Variants in CSMD1 observed in about 807,000 individuals in gnomAD.
CSMD1 encodes CUB and sushi domain-containing protein 1.
In CSMD1, 213 loss-of-function variants were observed where a neutral mutation model predicts 417.5. The ratio of observed to expected loss-of-function variants is 0.51; its 90% CI spans 0.46 to 0.57. CSMD1 has a LOEUF of 0.57. Among genes scored for constraint, CSMD1 ranks in the 20% least tolerant of loss-of-function variants. The pLI, the probability that CSMD1 is intolerant of heterozygous loss-of-function variation, is 0.00. For missense variants in CSMD1, 6,923 were observed against 4,529.7 expected, an observed-to-expected ratio of 1.53 and a Z score of -15.17; for synonymous variants, 2,862 against 1,736.8, an observed-to-expected ratio of 1.65 and a Z score of -16.11.
intron 3 of CSMD1, among the ~76,000 whole-genome samples, chr8:4,320,512 C>T (rs1355270971): frequency 6.6e-6 from 1 of 152,138 alleles, no homozygotes; most frequent in East Asian, 1.9e-4. Flanking sequence ...TCCCCTAGAC[C>T]CCCACCCCCC....
chr8:3,609,374 T>C (rs938566930), intron 8 of CSMD1, among the ~76,000 whole-genome samples: 1 of 152,210 alleles, frequency 6.6e-6, no homozygotes, highest in African/African-American at 2.4e-5. Flanking sequence ...ATACACTTTG[T>C]CTTTTAGACA....
intron 1 of CSMD1, among the ~76,000 whole-genome samples, chr8:4,814,215 T>TGC (rs1554490609): frequency 1.5e-4 from 23 of 151,594 alleles, no homozygotes; most frequent in African/African-American, 5.3e-4. Flanking sequence ...TGTGTGTGTG[T>TGC]GTGCGTGTGC....
chr8:3,053,971 C>A (rs868651518), intron 49 of CSMD1, among the ~76,000 whole-genome samples: 6 of 152,090 alleles, frequency 3.9e-5, no homozygotes, highest in Non-Finnish European at 7.4e-5. Context: ...CAAGATAGAG[C>A]GGGAAGGGCT....
chr8:4,287,497 G>C (rs898236282), intron 3 of CSMD1, among the ~76,000 whole-genome samples: 1 of 151,956 alleles, frequency 6.6e-6, no homozygotes, highest in Non-Finnish European at 1.5e-5. Flanking sequence ...TACATTCTAA[G>C]ACTTAATATT....
At chr8:4,520,351 A>G (rs1470909145) in intron 2 of CSMD1, among the ~76,000 whole-genome samples, 1 of 152,202 alleles carries the variant, frequency 6.6e-6, no homozygotes, top group Non-Finnish European at 1.5e-5. Context: ...ATTTGGTATT[A>G]CACTTCACAG....
chr8:3,909,332 A>G (rs1808305100), intron 5 of CSMD1, among the ~76,000 whole-genome samples: 1 of 152,142 alleles, frequency 6.6e-6, no homozygotes, highest in African/African-American at 2.4e-5. Flanking sequence ...TCGTGTGGGC[A>G]TCCTTGCTGG....
chr8:4,389,830 A>G (rs1028807874), intron 3 of CSMD1, among the ~76,000 whole-genome samples: 2 of 152,210 alleles, frequency 1.3e-5, no homozygotes, highest in African/African-American at 2.4e-5. Context: ...ACTCTAAAGC[A>G]TAATGTCTAC....
At chr8:3,826,200 C>T (rs1015062452) in intron 5 of CSMD1, among the ~76,000 whole-genome samples, 4 of 152,076 alleles carry the variant, frequency 2.6e-5, no homozygotes, top group East Asian at 1.9e-4. Flanking sequence ...GAGGCCTTCA[C>T]GGTGGAGCTG....
At chr8:4,891,978 G>C (rs1804154596) in intron 1 of CSMD1, among the ~76,000 whole-genome samples, 1 of 151,946 alleles carries the variant, frequency 6.6e-6, no homozygotes, top group African/African-American at 2.4e-5. Context: ...TTCCAAAAGA[G>C]GTAAGACCAA....
intron 23 of CSMD1, among the ~76,000 whole-genome samples, chr8:3,321,139 C>G (rs1321102720): frequency 1.3e-5 from 2 of 152,108 alleles, no homozygotes; most frequent in African/African-American, 4.8e-5. Flanking sequence ...GCCCCCTGCA[C>G]CCACCATCAG....
At chr8:3,696,246 A>G (rs909801207) in intron 7 of CSMD1, among the ~76,000 whole-genome samples, 1 of 152,228 alleles carries the variant, frequency 6.6e-6, no homozygotes, top group Admixed American at 6.5e-5. Context: ...TTAGACAGGC[A>G]CATTGCTCTT....
At chr8:3,470,346 G>C (rs1817016193) in intron 11 of CSMD1, among the ~76,000 whole-genome samples, 1 of 152,066 alleles carries the variant, frequency 6.6e-6, no homozygotes, top group South Asian at 2.1e-4. Context: ...CTAAATTCTT[G>C]AAATTTTTAT....
chr8:4,342,253 C>CTG (rs1563074149), intron 3 of CSMD1, among the ~76,000 whole-genome samples: 29 of 39,784 alleles, frequency 7.3e-4, no homozygotes, highest in Non-Finnish European at 1.1e-3. Context: ...GTGTGTGTCT[C>CTG]TGTATGTGTG....
At chr8:3,444,854 C>T (rs755373413) in intron 12 of CSMD1, among the ~76,000 whole-genome samples, 15 of 152,140 alleles carry the variant, frequency 9.9e-5, no homozygotes, top group African/African-American at 3.4e-4. Flanking sequence ...AAAGAAGCAA[C>T]AGAATCAGAA....
At chr8:3,123,775 G>T (rs777419510) in intron 41 of CSMD1, among the ~76,000 whole-genome samples, 4 of 152,188 alleles carry the variant, frequency 2.6e-5, no homozygotes, top group African/African-American at 4.8e-5. Flanking sequence ...CAAGTTAATG[G>T]TTCATAGGTA....
chr8:4,807,169 G>A (rs1388255064), intron 1 of CSMD1, among the ~76,000 whole-genome samples: 1 of 152,132 alleles, frequency 6.6e-6, no homozygotes, highest in Non-Finnish European at 1.5e-5. Context: ...GATTAAAGTG[G>A]ATGACATTAT....
At chr8:2,995,453 C>G (rs747021176) in intron 54 of CSMD1, among the ~76,000 whole-genome samples, 1 of 152,158 alleles carries the variant, frequency 6.6e-6, no homozygotes, top group Non-Finnish European at 1.5e-5. Flanking sequence ...GTAGGGATGA[C>G]AAATAGTACC....
At chr8:3,885,467 G>T (rs766155617) in intron 5 of CSMD1, among the ~76,000 whole-genome samples, 1 of 152,098 alleles carries the variant, frequency 6.6e-6, no homozygotes, top group African/African-American at 2.4e-5. Context: ...ACAAATTTCT[G>T]CTTTTCTCAG....
chr8:4,645,662 T>C (rs1323162455), intron 1 of CSMD1, among the ~76,000 whole-genome samples: 1 of 151,796 alleles, frequency 6.6e-6, no homozygotes, highest in Non-Finnish European at 1.5e-5. Context: ...GAAGCAGGGG[T>C]AGACACAGAA....
Sources: gnomAD v4.1 joint callset for allele counts (sites outside exome capture counted in the v4.1 genomes callset) on GRCh38, gnomAD v4.1.1 for gene constraint, MANE v1.5 for transcripts, NCBI Gene and HGNC (gene_info 2026-07-23, HGNC 2026-07-21) for gene names.